Variants in CCDC85C observed in about 807,000 individuals in gnomAD.
CCDC85C encodes coiled-coil domain-containing protein 85C.
Under a neutral mutation model 38.3 loss-of-function variants are expected in CCDC85C, and 18 were observed. The observed-to-expected ratio is 0.47, with a 90% confidence interval of 0.33 to 0.70. CCDC85C has a LOEUF of 0.70. Ranked by LOEUF, CCDC85C falls within the 30% of genes least tolerant of loss-of-function variation. The probability of loss-of-function intolerance (pLI) is 0.03; values close to 1 mark genes in which losing one functional copy is unlikely to be tolerated. For missense variants in CCDC85C, 566 were observed against 621.2 expected (o/e 0.91, Z 0.94); for synonymous variants, 264 against 293.8 (o/e 0.90, Z 1.04).
intron 3 of CCDC85C, among the ~76,000 whole-genome samples, chr14:99,518,386 G>A (rs555205686): frequency 9.9e-5 from 15 of 152,276 alleles, no homozygotes; most frequent in African/African-American, 2.4e-4. Flanking sequence ...GAGCCCTGGG[G>A]TCTAGGAAAG....
chr14:99,575,932 C>T (rs1051088793), intron 1 of CCDC85C, among the ~76,000 whole-genome samples: 3 of 152,230 alleles, frequency 2.0e-5, no homozygotes, highest in Admixed American at 6.5e-5. Context: ...ATCCAAATCA[C>T]CTACCAGGCC....
In CCDC85C at chr14:99,545,735, T is replaced by C. The variant is rs758017525; in HGVS notation, c.794-9647A>G. Among the ~76,000 whole-genome samples the C allele has an allele frequency of 2.0e-5, 3 of 152,162 alleles. No homozygotes were observed. Among genetic ancestry groups the C allele is most frequent in the African/African-American group, 4.8e-5 (2 of 41,440 alleles). On this transcript the variant is annotated intron_variant, in intron 1 of 5. Coordinates refer to ENST00000380243, the MANE Select transcript of CCDC85C (RefSeq NM_001144995.2). The surrounding 1 kb of genome is among the most constrained non-coding windows in gnomAD (Gnocchi z 4.7). ...CACAGCGGTCACATCACATTCAGCCTGCAGCTCCCAGCATCAGGCTGAAAG... is the reference window on the plus strand; with the variant it reads ...CACAGCGGTCACATCACATTCAGCCCGCAGCTCCCAGCATCAGGCTGAAAG...
Position 99,502,179 on chromosome 14 carries a change from C to G in CCDC85C, c.*13067G>C, listed in dbSNP as rs752115450. 1.3e-6 allele frequency: 2 copies of G among 1,547,754 alleles called. No homozygotes were observed. The highest frequency in any genetic ancestry group is 2.0e-5 in the Admixed American group (1 of 50,032). On this transcript the variant is annotated 3_prime_UTR_variant, in exon 6 of 6. Transcript: ENST00000380243. ...AATCATAAATATTAGATCATATTAT[C>G]TAACCTTTTTTTTTCTTGTTGAACT... is the stretch of plus-strand genomic sequence containing the variant.
intron 2 of CCDC85C, among the ~76,000 whole-genome samples, chr14:99,524,239 T>C (rs1455660689): frequency 1.3e-5 from 2 of 152,054 alleles, no homozygotes; most frequent in African/African-American, 4.8e-5. Flanking sequence ...GTCTGACTAC[T>C]GGGCCACACA....
rs570143755 is a variant in CCDC85C, at chr14:99,573,901, G to T, written c.793+29266C>A. ...TCCAGGGCCTCTATGCAAGTGAGGG[G>T]CATGCGCTGGGGCCTCCCACACCCT... On this transcript the variant is annotated intron_variant, in intron 1 of 5. Transcript: ENST00000380243. 1.1e-4 allele frequency among the ~76,000 whole-genome samples: 17 copies of T among 152,304 alleles called. No individual in the cohort carries two copies. The East Asian group carries it at 2.9e-3, about 26-fold the overall frequency.
intron 5 of CCDC85C, among the ~76,000 whole-genome samples, chr14:99,515,899 C>T (rs929103010): frequency 1.3e-5 from 2 of 151,306 alleles, no homozygotes; most frequent in African/African-American, 4.9e-5. Context: ...AAACCAGTCC[C>T]GGGGGGGTGG....
At chr14:99,553,485 CT>C (rs2139940322) in intron 1 of CCDC85C, among the ~76,000 whole-genome samples, 1 of 152,340 alleles carries the variant, frequency 6.6e-6, no homozygotes, top group East Asian at 1.9e-4. Context: ...CTGCCTCAGC[CT>C]CCCGAGTAAA....
intron 1 of CCDC85C, among the ~76,000 whole-genome samples, chr14:99,557,870 G>A (rs900450631): frequency 6.6e-6 from 1 of 152,052 alleles, no homozygotes; most frequent in Non-Finnish European, 1.5e-5. Context: ...ATCCAAGGTC[G>A]CGCCACTGCA....
At position 99,565,942 on chromosome 14, in the gene CCDC85C, C is replaced by T. The variant is rs543593116; in HGVS notation, c.794-29854G>A. ...ACGGTGGCTTTCAGCCGCAGGGCTGCTGCGCCCGTCTGCTCCAGCCCCGAG... is the reference window on the plus strand; with the variant it reads ...ACGGTGGCTTTCAGCCGCAGGGCTGTTGCGCCCGTCTGCTCCAGCCCCGAG... On this transcript the variant is annotated intron_variant, in intron 1 of 5. Transcript: ENST00000380243. 2.0e-5 allele frequency among the ~76,000 whole-genome samples: 3 copies of T among 152,368 alleles called. No individual in the cohort carries two copies. The South Asian group carries it at 6.2e-4, about 32-fold the overall frequency.
intron 1 of CCDC85C, among the ~76,000 whole-genome samples, chr14:99,561,668 C>G (rs1898119722): frequency 6.6e-6 from 1 of 152,190 alleles, no homozygotes; most frequent in South Asian, 2.1e-4. Flanking sequence ...GAGGAAACAG[C>G]CCCCAGGGGC....
chr14:99,517,017 G>T, intron 4 of CCDC85C, 71 bp downstream of exon 4: 1 of 1,406,960 alleles, frequency 7.1e-7, no homozygotes, highest in Non-Finnish European at 9.8e-7. Flanking sequence ...ACCCCTAGGT[G>T]CAAAGGTCCC....
rs141250616 is a variant in CCDC85C at position 99,559,120 on chromosome 14, T to C, written c.794-23032A>G. Among the ~76,000 whole-genome samples, 632 of 152,302 alleles carry C rather than the reference T, an allele frequency of 4.1e-3. 1 individual carries two copies. The highest frequency in any genetic ancestry group is 0.015 in the African/African-American group (610 of 41,556). On this transcript the variant is annotated intron_variant, in intron 1 of 5. Coordinates refer to ENST00000380243, the MANE Select transcript of CCDC85C (RefSeq NM_001144995.2). ...GTGCTGCCATGCTTCCTGGACAGCC[T>C]GCAAAACTGTGAGCCAATTAAACCT...
At chr14:99,571,384 C>T (rs949843561) in intron 1 of CCDC85C, among the ~76,000 whole-genome samples, 19 of 148,804 alleles carry the variant, frequency 1.3e-4, no homozygotes, top group Admixed American at 2.0e-4. Flanking sequence ...TACCAAGTTA[C>T]GATAACCCCC....
At chr14:99,531,421 C>A (rs752021216) in intron 2 of CCDC85C, among the ~76,000 whole-genome samples, 4 of 152,120 alleles carry the variant, frequency 2.6e-5, no homozygotes, top group Admixed American at 6.5e-5. Flanking sequence ...AGAATGCACA[C>A]GGAGTCTTGA....
At chr14:99,571,345 G>GTAATAA (rs3070433) in intron 1 of CCDC85C, among the ~76,000 whole-genome samples, 30,730 of 149,758 alleles carry the variant, frequency 0.21, 3,227 homozygotes, top group Non-Finnish European at 0.22. Flanking sequence ...AGTAGTAGTA[G>GTAATAA]TAATAATAAT....
In CCDC85C at chr14:99,513,179, C is replaced by T. The variant is rs1278225668; in HGVS notation, c.*2067G>A. ...AGGAGATCCGCAGGTACCAGGAGCC[C>T]GTACTTATTGCTTATTTCAGTGGTG... On this transcript the variant is annotated 3_prime_UTR_variant, in exon 6 of 6. Transcript: ENST00000380243. 1 of 152,184 alleles carries T rather than the reference C, an allele frequency of 6.6e-6. No individual in the cohort carries two copies. The highest frequency in any genetic ancestry group is 1.5e-5 in the Non-Finnish European group (1 of 68,032). The allele number at this position is 152,184 out of a possible 1,614,324, so 9.4% of individuals were successfully genotyped here.
intron 2 of CCDC85C, chr14:99,534,663 G>A (rs1595347394): frequency 1.4e-6 from 1 of 702,362 alleles, no homozygotes; most frequent in Middle Eastern, 2.3e-4. Flanking sequence ...TCTGCCTACA[G>A]CTTCCACACA....
chr14:99,568,246 C>CTTTTTTTTTTTTTTTTTTTTTTTTTT (rs776784723), intron 1 of CCDC85C, among the ~76,000 whole-genome samples: 5 of 114,486 alleles, frequency 4.4e-5, no homozygotes, highest in Non-Finnish European at 5.1e-5. Context: ...GCCACCTGCC[C>CTTTTTTTTTTTTTTTTTTTTTTTTTT]TTTATTTTTT....
chr14:99,570,210 G>C (rs753601783), intron 1 of CCDC85C, among the ~76,000 whole-genome samples: 5 of 152,144 alleles, frequency 3.3e-5, no homozygotes, highest in African/African-American at 7.2e-5. Context: ...GAAAGTTCTA[G>C]CATCTCCCCA....
Sources: gnomAD v4.1 joint callset for allele counts (sites outside exome capture counted in the v4.1 genomes callset) on GRCh38, gnomAD v4.1.1 for gene constraint, Gnocchi (gnomAD v3.1) non-coding constraint, MANE v1.5 for transcripts, NCBI Gene and HGNC (gene_info 2026-07-23, HGNC 2026-07-21) for gene names.